CDIN1: variants seen among roughly 807,000 people sequenced by gnomAD.
CDIN1 encodes CDAN1-interacting nuclease 1.
CDIN1 carries 33 observed loss-of-function variants against 45.3 expected under a neutral mutation model. The observed-to-expected ratio is 0.73, with a 90% CI of 0.55 to 0.97. The LOEUF (loss-of-function observed/expected upper bound fraction) is 0.97, where lower values mean the gene tolerates loss of function less well. Among genes scored for constraint, CDIN1 ranks in the 50% least tolerant of loss-of-function variants. The pLI is 0.00. For synonymous variants in CDIN1, 118 were observed against 124.4 expected (o/e 0.95, Z 0.34); for missense variants, 303 against 339.4 (o/e 0.89, Z 0.84).
intron 10 of CDIN1, among the ~76,000 whole-genome samples, chr15:36,713,285 G>T (rs2043118256): frequency 6.6e-6 from 1 of 152,126 alleles, no homozygotes; most frequent in African/African-American, 2.4e-5. Context: ...CAAGAACATG[G>T]AAATTGCAAC....
At chr15:36,687,697 A>C (rs1407484785) in intron 5 of CDIN1, among the ~76,000 whole-genome samples, 4 of 152,164 alleles carry the variant, frequency 2.6e-5, no homozygotes, top group African/African-American at 9.7e-5. Flanking sequence ...TGATTATTTC[A>C]TGTGTAGTTG....
intron 10 of CDIN1, among the ~76,000 whole-genome samples, chr15:36,727,484 G>A (rs757233648): frequency 6.6e-5 from 10 of 152,118 alleles, no homozygotes; most frequent in African/African-American, 1.9e-4. Context: ...TGAAGGCAGC[G>A]AAAAATGTTG....
At chr15:36,612,479 A>G (rs970830001) in intron 1 of CDIN1, among the ~76,000 whole-genome samples, 1 of 152,130 alleles carries the variant, frequency 6.6e-6, no homozygotes, top group African/African-American at 2.4e-5. Flanking sequence ...CACCCCATCT[A>G]TTAGAGATAG....
chr15:36,587,751 G>T (rs2037374707), intron 1 of CDIN1, among the ~76,000 whole-genome samples: 1 of 152,114 alleles, frequency 6.6e-6, no homozygotes, highest in African/African-American at 2.4e-5. Context: ...GAAATAAAAA[G>T]CTCTATCTCT....
chr15:36,626,091 TTAGA>T (rs1383573547), intron 1 of CDIN1, among the ~76,000 whole-genome samples: 46 of 151,658 alleles, frequency 3.0e-4, no homozygotes, highest in African/African-American at 9.2e-4. Flanking sequence ...TATATTAAAA[TTAGA>T]TATGTATGTT....
intron 10 of CDIN1, among the ~76,000 whole-genome samples, chr15:36,728,285 C>A (rs141322137): frequency 6.6e-6 from 1 of 152,298 alleles, no homozygotes; most frequent in East Asian, 1.9e-4. Context: ...CTCCCACCCC[C>A]CTACCATTCA....
At chr15:36,762,165 G>C (rs1566956621) in intron 10 of CDIN1, among the ~76,000 whole-genome samples, 1 of 81,286 alleles carries the variant, frequency 1.2e-5, no homozygotes, top group African/African-American at 3.9e-5. Flanking sequence ...CAGTAGGAAG[G>C]CTGCCCTTGT....
intron 1 of CDIN1, among the ~76,000 whole-genome samples, chr15:36,635,308 A>G (rs1180845635): frequency 6.6e-6 from 1 of 152,206 alleles, no homozygotes; most frequent in Non-Finnish European, 1.5e-5. Flanking sequence ...TAGATTTTTT[A>G]TGAGATAGTT....
chr15:36,715,516 G>T (rs1247195662), intron 10 of CDIN1, among the ~76,000 whole-genome samples: 2 of 152,054 alleles, frequency 1.3e-5, no homozygotes, highest in African/African-American at 2.4e-5. Flanking sequence ...AGTTATTTCG[G>T]TCTTGTTAAA....
At chr15:36,661,379 A>G (rs2041006268) in intron 5 of CDIN1, among the ~76,000 whole-genome samples, 1 of 152,072 alleles carries the variant, frequency 6.6e-6, no homozygotes, top group Non-Finnish European at 1.5e-5. Flanking sequence ...CAACAACATT[A>G]TGATTAATAA....
chr15:36,653,054 G>T (rs895045995), intron 3 of CDIN1, among the ~76,000 whole-genome samples: 9 of 152,192 alleles, frequency 5.9e-5, no homozygotes, highest in Middle Eastern at 6.8e-3. Context: ...AAAGTACTTG[G>T]TAGGCATAAT....
Position 36,697,405 on chromosome 15 carries a change from C to T in CDIN1, c.544+15C>T, listed in dbSNP as rs373199182. The T allele has an allele frequency of 1.9e-5, 31 of 1,592,866 alleles. No homozygotes were observed. The African/African-American group carries it at 3.9e-4, about 20-fold the overall frequency. ...GTCCTTCCTAGGTAAGTATTATTCA[C>T]ATCTTCTCTAGCTTGTGTTGTCTCC... is the stretch of plus-strand genomic sequence containing the variant. On this transcript the variant is annotated intron_variant, in intron 8 of 10. Coordinates refer to ENST00000566621, the MANE Select transcript of CDIN1 (RefSeq NM_001321759.2).
At chr15:36,633,910 A>G (rs2039787979) in intron 1 of CDIN1, among the ~76,000 whole-genome samples, 1 of 152,038 alleles carries the variant, frequency 6.6e-6, no homozygotes, top group Non-Finnish European at 1.5e-5. Flanking sequence ...GGCATGCGCC[A>G]TGATGCCCAG....
intron 1 of CDIN1, among the ~76,000 whole-genome samples, chr15:36,633,074 C>T (rs150644748): frequency 9.9e-4 from 150 of 152,270 alleles, no homozygotes; most frequent in African/African-American, 3.3e-3. Flanking sequence ...ATCAATTTAT[C>T]CAACTCCTCC....
At chr15:36,610,088 A>T (rs2038577129) in intron 1 of CDIN1, among the ~76,000 whole-genome samples, 1 of 152,212 alleles carries the variant, frequency 6.6e-6, no homozygotes, top group Non-Finnish European at 1.5e-5. Flanking sequence ...CTATCTTGCT[A>T]AAGTAGTTTA....
At chr15:36,634,135 T>C (rs1408280593) in intron 1 of CDIN1, among the ~76,000 whole-genome samples, 1 of 152,132 alleles carries the variant, frequency 6.6e-6, no homozygotes, top group Admixed American at 6.5e-5. Context: ...TTTATAACTT[T>C]CTTCAAAACT....
At chr15:36,746,135 T>C (rs1356464741) in intron 10 of CDIN1, among the ~76,000 whole-genome samples, 1 of 152,214 alleles carries the variant, frequency 6.6e-6, no homozygotes, top group Non-Finnish European at 1.5e-5. Flanking sequence ...CTGATAGTTT[T>C]GTTGAGCAAA....
At chr15:36,628,315 T>C (rs1382332906) in intron 1 of CDIN1, among the ~76,000 whole-genome samples, 2 of 152,238 alleles carry the variant, frequency 1.3e-5, no homozygotes, top group African/African-American at 4.8e-5. Context: ...ATGTGGTAGA[T>C]AGCCTTTTGA....
chr15:36,799,949 A>G (rs1216348586), intron 10 of CDIN1: 2 of 152,218 alleles, frequency 1.3e-5, no homozygotes, highest in Non-Finnish European at 2.9e-5. Context: ...TATAGCATCT[A>G]TCTATATCCA....
Sources: allele counts gnomAD v4.1 joint callset (sites outside exome capture counted in the v4.1 genomes callset), GRCh38; gene constraint gnomAD v4.1.1; transcripts MANE v1.5; gene names NCBI Gene and HGNC (gene_info 2026-07-23, HGNC 2026-07-21).